The following HDAC9 variants were observed in gnomAD, a reference collection of about 807,000 sequenced individuals.
HDAC9 encodes the protein histone deacetylase 9.
A neutral mutation model predicts 139.4 loss-of-function variants in HDAC9; 41 were observed. The ratio of observed to expected loss-of-function variants is 0.29; its 90% CI spans 0.23 to 0.38. The LOEUF is 0.38. Among genes scored for constraint, HDAC9 ranks in the 10% least tolerant of loss-of-function variants. The probability of loss-of-function intolerance (pLI) is 1.00; values close to 1 mark genes in which losing one functional copy is unlikely to be tolerated. For missense variants in HDAC9, 1,147 were observed against 1,297.0 expected (o/e 0.88, Z 1.78); for synonymous variants, 517 against 476.2 (o/e 1.09, Z -1.12).
chr7:18,331,345 G>A (rs540110744), intron 1 of HDAC9, among the ~76,000 whole-genome samples: 10 of 151,524 alleles, frequency 6.6e-5, no homozygotes, highest in African/African-American at 1.7e-4. Flanking sequence ...ATGAAAAATC[G>A]TGTTTTTTAA....
intron 1 of HDAC9, among the ~76,000 whole-genome samples, chr7:18,124,664 G>T (rs527606679): frequency 6.6e-6 from 1 of 152,196 alleles, no homozygotes; most frequent in African/African-American, 2.4e-5. Flanking sequence ...GACGTCATGG[G>T]TTCATTTCAC....
chr7:18,220,706 G>C (rs1792637825), intron 2 of HDAC9, among the ~76,000 whole-genome samples: 2 of 152,160 alleles, frequency 1.3e-5, no homozygotes, highest in Non-Finnish European at 2.9e-5. Flanking sequence ...TAATTGTCAG[G>C]CAAAAGAGAT....
At position 18,996,611 on chromosome 7, in the gene HDAC9, A is replaced by G. The variant is rs915288456; in HGVS notation, c.*549A>G. ...TTTGTTTTGTTAGGGTTTTTTTCTCAACTTTAACACACAGTTCAACTGTTC... is the reference window on the plus strand; with the variant it reads ...TTTGTTTTGTTAGGGTTTTTTTCTCGACTTTAACACACAGTTCAACTGTTC... On this transcript the variant is annotated 3_prime_UTR_variant, in exon 26 of 26. Transcript: ENST00000686413. 6 of 152,696 alleles carry G rather than the reference A, an allele frequency of 3.9e-5. No homozygotes were observed. The highest frequency in any genetic ancestry group is 1.5e-4 in the African/African-American group (6 of 41,350). 9.5% of individuals were successfully genotyped at this position (152,696 alleles called of 1,614,324 possible).
chr7:18,380,670 G>T (rs1278557338), intron 1 of HDAC9, among the ~76,000 whole-genome samples: 3 of 152,132 alleles, frequency 2.0e-5, no homozygotes, highest in Non-Finnish European at 4.4e-5. Context: ...TTGCAAAATT[G>T]GAATCCATTT....
At chr7:18,807,455 T>C (rs993904919) in intron 17 of HDAC9, among the ~76,000 whole-genome samples, 56 of 152,264 alleles carry the variant, frequency 3.7e-4, no homozygotes, top group African/African-American at 1.3e-3. Flanking sequence ...GTAATCTTTA[T>C]TATTTCCTTC....
At chr7:18,881,710 C>A (rs1414340200) in intron 22 of HDAC9, among the ~76,000 whole-genome samples, 3 of 152,108 alleles carry the variant, frequency 2.0e-5, no homozygotes, top group Non-Finnish European at 4.4e-5. Flanking sequence ...GTGTATTTCA[C>A]CTAATGTTAT....
rs544381845 is a variant in HDAC9 at position 18,446,702 on chromosome 7, G to A, written c.-41-49560G>A. Among the ~76,000 whole-genome samples the A allele has an allele frequency of 9.2e-5, 14 of 152,006 alleles. No individual in the cohort carries two copies. In the East Asian group the frequency reaches 1.4e-3, roughly 15 times the overall value. On this transcript the variant is annotated intron_variant, in intron 1 of 3. Coordinates refer to the HDAC9 transcript ENST00000413509. Reference sequence around the variant, plus strand: ...AATATACACGTTCTTTTGTGTGTGCGTAGATGTAGAACATATATTCCAAGT... The same window carrying A: ...AATATACACGTTCTTTTGTGTGTGCATAGATGTAGAACATATATTCCAAGT...
At chr7:18,721,605 T>C (rs1303983548) in intron 12 of HDAC9, among the ~76,000 whole-genome samples, 1 of 152,196 alleles carries the variant, frequency 6.6e-6, no homozygotes, top group African/African-American at 2.4e-5. Flanking sequence ...CTAAAGTCCA[T>C]GATGATATTG....
chr7:18,256,081 T>C (rs2529748), intron 2 of HDAC9, among the ~76,000 whole-genome samples: 63,431 of 151,906 alleles, frequency 0.42, 14,374 homozygotes, highest in Admixed American at 0.52. Flanking sequence ...TTTTCTTCTC[T>C]CAATATCTTG....
chr7:18,486,655 A>C (rs1039108890), intron 1 of HDAC9, among the ~76,000 whole-genome samples: 2 of 152,154 alleles, frequency 1.3e-5, no homozygotes, highest in African/African-American at 4.8e-5. Context: ...GTTTTAAGTA[A>C]ATTCTCTGGA....
chr7:18,370,185 A>G lies in HDAC9; in HGVS notation c.-42+79670A>G, dbSNP rs146459218. Among the ~76,000 whole-genome samples the G allele has an allele frequency of 7.2e-5, 11 of 152,252 alleles. No individual in the cohort carries two copies. In the East Asian group the frequency reaches 1.9e-3, roughly 27 times the overall value. ...TATTCTATAGGTTATTCCAGCCCCA[A>G]CTGGGTTACCTTCTCCCTGTACTCA... On this transcript the variant is annotated intron_variant, in intron 1 of 3. Transcript: ENST00000413509.
chr7:18,432,358 C>T (rs1268766494), intron 1 of HDAC9, among the ~76,000 whole-genome samples: 1 of 152,168 alleles, frequency 6.6e-6, no homozygotes. Context: ...CTTATGAGGA[C>T]ATGTATTTTA....
intron 2 of HDAC9, among the ~76,000 whole-genome samples, chr7:18,247,565 A>G (rs1365791810): frequency 6.6e-6 from 1 of 152,114 alleles, no homozygotes; most frequent in African/African-American, 2.4e-5. Flanking sequence ...GTGAGTAGGG[A>G]CAAATATTTG....
At chr7:18,156,379 G>C (rs905984487) in intron 1 of HDAC9, among the ~76,000 whole-genome samples, 1 of 152,140 alleles carries the variant, frequency 6.6e-6, no homozygotes, top group Non-Finnish European at 1.5e-5. Flanking sequence ...ATCCCACCTG[G>C]GTTTGCCCTT....
chr7:18,192,174 C>T (rs183241043), intron 2 of HDAC9, among the ~76,000 whole-genome samples: 12 of 152,162 alleles, frequency 7.9e-5, no homozygotes, highest in Admixed American at 2.6e-4. Context: ...CTACAAGTGA[C>T]GGTAAATACT....
At chr7:18,149,452 C>T (rs1404076883) in intron 1 of HDAC9, among the ~76,000 whole-genome samples, 1 of 149,308 alleles carries the variant, frequency 6.7e-6, no homozygotes, top group African/African-American at 2.4e-5. Flanking sequence ...GCCTCCTGGG[C>T]TTAAATGTTC....
At chr7:18,967,496 G>GC (rs144020619) in intron 24 of HDAC9, among the ~76,000 whole-genome samples, 26,982 of 104,200 alleles carry the variant, frequency 0.26, 3,438 homozygotes, top group African/African-American at 0.31. Flanking sequence ...AAATAAAGTT[G>GC]CCCCCCCCCC....
At chr7:18,884,436 C>A (rs78625466) in intron 22 of HDAC9, among the ~76,000 whole-genome samples, 2,913 of 152,136 alleles carry the variant, frequency 0.019, 112 homozygotes, top group East Asian at 0.14. Flanking sequence ...GGCGAGAACA[C>A]TCCATGAGGA....
intron 17 of HDAC9, among the ~76,000 whole-genome samples, chr7:18,802,973 G>T (rs1350831348): frequency 6.6e-6 from 1 of 151,592 alleles, no homozygotes; most frequent in East Asian, 1.9e-4. Context: ...TCACTTATAT[G>T]TGTTATGATT....
Sources: allele counts gnomAD v4.1 joint callset (sites outside exome capture counted in the v4.1 genomes callset), GRCh38; gene constraint gnomAD v4.1.1; transcripts MANE v1.5; gene names NCBI Gene and HGNC (gene_info 2026-07-23, HGNC 2026-07-21).